FERMT2: variants seen among roughly 807,000 people sequenced by gnomAD.
FERMT2 encodes the protein fermitin family homolog 2.
FERMT2 carries 15 observed loss-of-function variants against 82.7 expected under a neutral mutation model. The ratio of observed to expected loss-of-function variants is 0.18; its 90% CI spans 0.12 to 0.28. The LOEUF (loss-of-function observed/expected upper bound fraction) is 0.28. FERMT2 is among the 10% of genes least tolerant of loss of function. FERMT2 has a pLI of 1.00. For missense variants in FERMT2, 645 were observed against 809.4 expected (o/e 0.80, Z 2.46); for synonymous variants, 274 against 271.5 (o/e 1.01, Z -0.09).
At chr14:52,939,384 A>C (rs1409656841) in intron 2 of FERMT2, among the ~76,000 whole-genome samples, 3 of 151,412 alleles carry the variant, frequency 2.0e-5, no homozygotes, top group Admixed American at 6.6e-5. Flanking sequence ...AAAAAAAAAA[A>C]AAAAAACAAA....
intron 10 of FERMT2, among the ~76,000 whole-genome samples, 173 bp from the exon 11 acceptor site, chr14:52,865,026 AAAC>A (rs1330041818): frequency 1.3e-5 from 2 of 152,146 alleles, no homozygotes; most frequent in African/African-American, 2.4e-5. Flanking sequence ...GCTGGAATGA[AAAC>A]AACTGTATTC....
At chr14:52,950,295 A>C (rs1278767986) in intron 2 of FERMT2, 117 bp downstream of exon 2, 2 of 997,444 alleles carry the variant, frequency 2.0e-6, no homozygotes, top group Non-Finnish European at 3.0e-6. Context: ...CATCTCCAAA[A>C]AGCATTTGCG....
intron 7 of FERMT2, among the ~76,000 whole-genome samples, chr14:52,876,177 T>C (rs1885948821): frequency 1.3e-5 from 2 of 152,250 alleles, no homozygotes; most frequent in Non-Finnish European, 2.9e-5. Context: ...ATTCATTTCA[T>C]GGGAACATTT....
At position 52,950,477 on chromosome 14, in the gene FERMT2, A is replaced by C. The variant is rs1890578303; in HGVS notation, c.92T>G (p.Val31Gly). 1 of 1,614,002 alleles carries C rather than the reference A, an allele frequency of 6.2e-7. No individual in the cohort carries two copies. The part of the protein sequence containing the change: ...SVHVTDLNRD[V>G]TLRVTGEVHI... ...CACCTCGCCGGTCACTCTCAGGGTG[A>C]CATCGCGGTTCAGGTCCGTCACATG... is the stretch of plus-strand genomic sequence containing the variant. The change falls in exon 2 of 15, where the codon GTC becomes GGC. Residue 31 changes from valine (V) to glycine (G), a missense_variant. Transcript: ENST00000341590.
chr14:52,950,720 G>T, intron 1 of FERMT2, 143 bp from the exon 2 acceptor site: 1 of 760,536 alleles, frequency 1.3e-6, no homozygotes, highest in Non-Finnish European at 2.1e-6. Context: ...GGCGGCGGCG[G>T]CCGGGGCTGC....
At chr14:52,918,252 T>C (rs1019627901) in intron 3 of FERMT2, among the ~76,000 whole-genome samples, 1 of 152,106 alleles carries the variant, frequency 6.6e-6, no homozygotes, top group African/African-American at 2.4e-5. Context: ...TTACTAAGTT[T>C]AAAAAATACA....
At chr14:52,861,141 A>G in intron 12 of FERMT2, 1 of 953,298 alleles carries the variant, frequency 1.0e-6, no homozygotes, top group Non-Finnish European at 1.6e-6. Context: ...CCTGCAAACC[A>G]AAATTCCAGC....
At chr14:52,899,420 T>C (rs1385116896) in intron 3 of FERMT2, among the ~76,000 whole-genome samples, 1 of 152,122 alleles carries the variant, frequency 6.6e-6, no homozygotes, top group Non-Finnish European at 1.5e-5. Context: ...GTAGCTGGGA[T>C]TGCGGGCGCC....
At chr14:52,872,701 T>C (rs1262015122) in intron 10 of FERMT2, 98 bp downstream of exon 10, 2 of 1,333,762 alleles carry the variant, frequency 1.5e-6, no homozygotes, top group Non-Finnish European at 2.1e-6. Flanking sequence ...AAGAAATTGA[T>C]TTTTTTAAAA....
At position 52,864,426 on chromosome 14, in the gene FERMT2, T is replaced by C. The variant is rs1427546535; in HGVS notation, c.1577A>G (p.Tyr526Cys). The C allele has an allele frequency of 1.1e-5, 17 of 1,613,414 alleles. No individual in the cohort carries two copies. Among genetic ancestry groups the C allele is most frequent in the African/African-American group, 2.7e-5 (2 of 74,926 alleles). ...CTGCTTGTTCTTATACTTTTTTAGATAGCGGGGAGACACCAAACATTCAGG... is the reference window on the plus strand; with the variant it reads ...CTGCTTGTTCTTATACTTTTTTAGACAGCGGGGAGACACCAAACATTCAGG... ...ITPECLVSPR[Y>C]LKKYKNKQIT... Residue 526 changes from tyrosine to cysteine, a missense_variant, in exon 12 of 15, where the codon TAT (tyrosine) becomes TGT (cysteine). By Grantham distance (194) the Tyr-to-Cys change is radical. Transcript: ENST00000341590.
intron 2 of FERMT2, among the ~76,000 whole-genome samples, chr14:52,943,551 T>C (rs530879468): frequency 6.6e-6 from 1 of 152,186 alleles, no homozygotes; most frequent in Non-Finnish European, 1.5e-5. Flanking sequence ...GCATATTAGA[T>C]GACAGAAGTG....
intron 4 of FERMT2, among the ~76,000 whole-genome samples, chr14:52,892,405 G>A (rs921517987): frequency 1.3e-5 from 2 of 151,094 alleles, no homozygotes; most frequent in African/African-American, 4.9e-5. Context: ...GCCTCCCAAA[G>A]TGCTGGGATT....
At chr14:52,880,912 ATAAT>A in intron 6 of FERMT2, 120 bp downstream of exon 6, 1 of 594,440 alleles carries the variant, frequency 1.7e-6, no homozygotes, top group Non-Finnish European at 2.8e-6. Context: ...TGGGTTTTTA[ATAAT>A]TATTCAAGAT....
intron 2 of FERMT2, 107 bp from the exon 3 acceptor site, chr14:52,919,463 T>TA: frequency 1.4e-5 from 10 of 722,528 alleles, no homozygotes; most frequent in Admixed American, 2.7e-5. Flanking sequence ...AATAATTAAC[T>TA]ACTAAGTTAC....
intron 2 of FERMT2, among the ~76,000 whole-genome samples, chr14:52,935,049 T>C (rs534774124): frequency 6.6e-6 from 1 of 152,332 alleles, no homozygotes; most frequent in East Asian, 1.9e-4. Context: ...TACATCTTAG[T>C]TAATGTATAA....
At chr14:52,872,022 A>G (rs1885653496) in intron 10 of FERMT2, 1 of 152,252 alleles carries the variant, frequency 6.6e-6, no homozygotes, top group South Asian at 2.1e-4. Flanking sequence ...AGTGTCAGCT[A>G]CTCTACTGGC....
In FERMT2 at chr14:52,890,914, C is replaced by G. The variant is rs1886905301; in HGVS notation, c.526+2379G>C. ...CCACCCGCGCCTGGCCCCTTTTATT[C>G]TCTTTTACCTCTTCCTCAACCTACA... On this transcript the variant is annotated intron_variant, in intron 4 of 14. Transcript: ENST00000341590. Among the ~76,000 whole-genome samples, 2 of 152,110 alleles carry G rather than the reference C, an allele frequency of 1.3e-5. 1 individual carries two copies. The highest frequency in any genetic ancestry group is 4.1e-4 in the South Asian group (2 of 4,822).
intron 2 of FERMT2, among the ~76,000 whole-genome samples, chr14:52,932,421 TA>T (rs1201385848): frequency 4.6e-5 from 7 of 152,188 alleles, no homozygotes; most frequent in Non-Finnish European, 2.9e-5. Flanking sequence ...GATTATTAAA[TA>T]AAGGAATATT....
chr14:52,877,574 CTTTTTTTTT>C (rs34676786), intron 7 of FERMT2, among the ~76,000 whole-genome samples: 8 of 67,062 alleles, frequency 1.2e-4, no homozygotes, highest in Admixed American at 5.4e-4. Context: ...GCTGTTCTTG[CTTTTTTTTT>C]TTTTTTTTTT....
Sources: gnomAD v4.1 joint callset for allele counts (sites outside exome capture counted in the v4.1 genomes callset) on GRCh38, gnomAD v4.1.1 for gene constraint, MANE v1.5 for transcripts, NCBI Gene and HGNC (gene_info 2026-07-23, HGNC 2026-07-21) for gene names.